The following FOXP1 variants were observed in gnomAD, a reference collection of about 807,000 sequenced individuals.
FOXP1 encodes the protein forkhead box P1.
FOXP1 carries 15 observed loss-of-function variants against 98.2 expected under a neutral mutation model. The observed-to-expected ratio is 0.15, with a 90% CI of 0.10 to 0.24. The LOEUF (loss-of-function observed/expected upper bound fraction) is 0.24, where lower values mean the gene tolerates loss of function less well. Ranked by LOEUF, FOXP1 falls within the 10% of genes least tolerant of loss-of-function variation. The pLI, the probability that FOXP1 is intolerant of heterozygous loss-of-function variation, is 1.00. For missense variants in FOXP1, 633 were observed against 848.5 expected (o/e 0.75, Z 3.15); for synonymous variants, 371 against 314.5 (o/e 1.18, Z -1.90).
At chr3:71,099,449 T>C (rs761830448) in intron 7 of FOXP1, among the ~76,000 whole-genome samples, 7 of 151,034 alleles carry the variant, frequency 4.6e-5, no homozygotes, top group Non-Finnish European at 5.9e-5. Context: ...GAGGCGGAGG[T>C]TGCAGTGAGC....
At chr3:71,540,065 A>G (rs2044666057) in intron 2 of FOXP1, among the ~76,000 whole-genome samples, 1 of 152,266 alleles carries the variant, frequency 6.6e-6, no homozygotes, top group African/African-American at 2.4e-5. Context: ...ATGCCCTTAA[A>G]TATTCATTTC....
intron 4 of FOXP1, among the ~76,000 whole-genome samples, chr3:71,314,003 G>A (rs12485366): frequency 0.93 from 141,645 of 152,176 alleles, 66,813 homozygotes; most frequent in East Asian, 1. Context: ...TAGGCAAATT[G>A]CCTAAGCTCT....
intron 6 of FOXP1, among the ~76,000 whole-genome samples, chr3:71,156,330 C>T (rs1378936104): frequency 6.6e-6 from 1 of 152,142 alleles, no homozygotes; most frequent in African/African-American, 2.4e-5. Context: ...GCACTCAGCA[C>T]CTACTCAGCA....
chr3:71,137,969 G>A (rs2059902079), intron 6 of FOXP1, among the ~76,000 whole-genome samples: 1 of 152,034 alleles, frequency 6.6e-6, no homozygotes, highest in Admixed American at 6.6e-5. Flanking sequence ...CAGGATGTGA[G>A]AACGGCCTTA....
At chr3:71,459,064 C>T (rs2087771841) in intron 3 of FOXP1, among the ~76,000 whole-genome samples, 1 of 152,074 alleles carries the variant, frequency 6.6e-6, no homozygotes, top group African/African-American at 2.4e-5. Flanking sequence ...TTGACATTTT[C>T]TTCCCCTGGA....
intron 3 of FOXP1, among the ~76,000 whole-genome samples, chr3:71,486,468 G>A (rs746072937): frequency 6.6e-6 from 1 of 152,012 alleles, no homozygotes; most frequent in Non-Finnish European, 1.5e-5. Context: ...CTGTTTCGGG[G>A]GCCTGCTGAT....
rs2031985418 is a variant in FOXP1 at position 70,956,970 on chromosome 3, C to T, written c.*2277G>A. ...TAAAAACAAACTGAAGGATATATGC[C>T]AAGATAAACCAAAATTAATACAGTG... On this transcript the variant is annotated 3_prime_UTR_variant, in exon 21 of 21. Transcript: ENST00000649528. 4.6e-6 allele frequency: 1 copy of T among 217,932 alleles called. No homozygotes were observed. The highest frequency in any genetic ancestry group is 5.8e-5 in the Admixed American group (1 of 17,248). 13.5% of individuals were successfully genotyped at this position (217,932 alleles called of 1,614,324 possible).
chr3:71,482,001 A>C (rs1318755327), intron 3 of FOXP1, among the ~76,000 whole-genome samples: 1 of 152,158 alleles, frequency 6.6e-6, no homozygotes, highest in Non-Finnish European at 1.5e-5. Context: ...TCCAGCAAAG[A>C]GAGGAGGGAG....
At chr3:71,215,945 T>C (rs75347912) in intron 5 of FOXP1, among the ~76,000 whole-genome samples, 1 of 152,250 alleles carries the variant, frequency 6.6e-6, no homozygotes, top group African/African-American at 2.4e-5. Flanking sequence ...CATTTCTCCT[T>C]TGTATATGCA....
intron 6 of FOXP1, among the ~76,000 whole-genome samples, chr3:71,149,624 T>A (rs1332411215): frequency 1.3e-5 from 2 of 152,332 alleles, no homozygotes; most frequent in African/African-American, 4.8e-5. Flanking sequence ...ATTATTTTGT[T>A]TGCTATTAAA....
At chr3:71,467,887 C>T (rs576026358) in intron 3 of FOXP1, among the ~76,000 whole-genome samples, 2 of 152,284 alleles carry the variant, frequency 1.3e-5, no homozygotes, top group East Asian at 1.9e-4. Context: ...GTACAGGGAC[C>T]GTGCTTTGTG....
intron 3 of FOXP1, among the ~76,000 whole-genome samples, chr3:71,449,069 T>C (rs2086702951): frequency 6.6e-6 from 1 of 152,152 alleles, no homozygotes; most frequent in African/African-American, 2.4e-5. Context: ...GGAAACTACA[T>C]AGAAACAGTA....
chr3:71,243,830 T>A (rs2067494976), intron 5 of FOXP1, among the ~76,000 whole-genome samples: 1 of 152,228 alleles, frequency 6.6e-6, no homozygotes, highest in African/African-American at 2.4e-5. Context: ...CTCTTTCTAT[T>A]GTATTGCCAC....
intron 5 of FOXP1, among the ~76,000 whole-genome samples, chr3:71,214,863 G>T (rs184447959): frequency 6.6e-6 from 1 of 152,254 alleles, no homozygotes; most frequent in East Asian, 1.9e-4. Flanking sequence ...TAGTACAAGG[G>T]ATCTGTCTCA....
chr3:71,207,755 T>C (rs1400402824), intron 5 of FOXP1, among the ~76,000 whole-genome samples: 4 of 151,962 alleles, frequency 2.6e-5, no homozygotes, highest in Non-Finnish European at 4.4e-5. Flanking sequence ...AAAATGATGA[T>C]ATGATGCGAG....
At chr3:71,548,994 CAGAGCT>C (rs1006861902) in intron 2 of FOXP1, among the ~76,000 whole-genome samples, 2 of 152,062 alleles carry the variant, frequency 1.3e-5, no homozygotes, top group African/African-American at 4.8e-5. Flanking sequence ...TAATAAGAGG[CAGAGCT>C]GGGATTCAAA....
At chr3:71,141,200 G>A (rs1178443190) in intron 6 of FOXP1, among the ~76,000 whole-genome samples, 1 of 151,034 alleles carries the variant, frequency 6.6e-6, no homozygotes, top group Non-Finnish European at 1.5e-5. Flanking sequence ...CCCGGAAGGT[G>A]GAGGTTGCAG....
chr3:71,044,415 A>T (rs905621348), intron 10 of FOXP1, among the ~76,000 whole-genome samples: 1 of 152,204 alleles, frequency 6.6e-6, no homozygotes, highest in African/African-American at 2.4e-5. Context: ...GATTAAAGAG[A>T]CCAGGGTGAA....
intron 3 of FOXP1, among the ~76,000 whole-genome samples, chr3:71,401,498 A>T (rs1311951479): frequency 6.6e-6 from 1 of 152,240 alleles, no homozygotes; most frequent in African/African-American, 2.4e-5. Flanking sequence ...GAGAGGCAGC[A>T]GCTGAAAGCC....
Sources: allele counts gnomAD v4.1 joint callset (sites outside exome capture counted in the v4.1 genomes callset), GRCh38; gene constraint gnomAD v4.1.1; transcripts MANE v1.5; gene names NCBI Gene and HGNC (gene_info 2026-07-23, HGNC 2026-07-21).